TSPAN1: variants seen among roughly 807,000 people sequenced by gnomAD.
TSPAN1 encodes tetraspanin-1.
TSPAN1 carries 23 observed loss-of-function variants against 26.9 expected under a neutral mutation model. The observed-to-expected ratio is 0.85, with a 90% CI of 0.62 to 1.21. The LOEUF (loss-of-function observed/expected upper bound fraction) is 1.21, where lower values mean the gene tolerates loss of function less well. TSPAN1 is among the 50% of genes most tolerant of loss of function. TSPAN1 has a pLI of 0.00. For missense variants in TSPAN1, 283 were observed against 298.4 expected, an observed-to-expected ratio of 0.95 and a Z score of 0.38; for synonymous variants, 115 against 114.8, an observed-to-expected ratio of 1.00 and a Z score of -0.01.
downstream of TSPAN1, chr1:46,190,591 AG>A: frequency 6.5e-7 from 1 of 1,534,820 alleles, no homozygotes; most frequent in Non-Finnish European, 9.0e-7. Context: ...GAGCAGGGCA[AG>A]GGGTCACATG....
chr1:46,176,289 C>A lies in TSPAN1; in HGVS notation c.-142+880C>A, dbSNP rs1312277700. Reference sequence around the variant, plus strand: ...TGTGGGTGTTGTTGATACCCATGGCCCTGGTGGCAGGATTGATGGCTGCAC... The same window carrying A: ...TGTGGGTGTTGTTGATACCCATGGCACTGGTGGCAGGATTGATGGCTGCAC... On this transcript the variant is annotated intron_variant, in intron 1 of 8. Transcript: ENST00000372003. 2.0e-6 allele frequency: 3 copies of A among 1,535,668 alleles called. No individual in the cohort carries two copies. The East Asian group carries it at 7.3e-5, about 38-fold the overall frequency.
the TSPAN1 span, chr1:46,192,894 C>T: frequency 2.5e-6 from 4 of 1,614,140 alleles, no homozygotes; most frequent in East Asian, 2.2e-5. Context: ...TAGAGACTCC[C>T]CTCACCTGAA....
chr1:46,194,968 G>T, the TSPAN1 span: 1 of 1,613,688 alleles, frequency 6.2e-7, no homozygotes, highest in South Asian at 1.1e-5. Context: ...CATCCTGGGG[G>T]ACCAGAGAAG....
In TSPAN1 at chr1:46,185,052, C is replaced by A. The variant is rs751217619; in HGVS notation, c.531C>A (p.Asp177Glu). The A allele has an allele frequency of 1.9e-6, 3 of 1,614,056 alleles. No homozygotes were observed. In the African/African-American group the frequency reaches 4.0e-5, roughly 22 times the overall value. ...CCTTTCCCCCATTCTGTTGCAATGA[C>A]AACGTCACCAACACAGCCAATGAAA... ...NSAFPPFCCNDNVTNTANETC... is the reference protein window; with the variant it reads ...NSAFPPFCCNENVTNTANETC... Residue 177 changes from aspartate to glutamate, a missense_variant, in exon 7 of 9, where the codon GAC becomes GAA. Coordinates refer to ENST00000372003, the MANE Select transcript of TSPAN1 (RefSeq NM_005727.4).
rs1487260716 is a variant in TSPAN1, at chr1:46,185,064, C to T, written c.543C>T (p.Asn181=). 1.2e-6 allele frequency: 2 copies of T among 1,614,202 alleles called. No individual in the cohort carries two copies. Among genetic ancestry groups the T allele is most frequent in the Non-Finnish European group, 1.7e-6 (2 of 1,180,046 alleles). ...PPFCCNDNVT[N]TANETCTKQK... is the part of the protein sequence containing the mutation. The stretch of plus-strand genomic sequence containing the variant: ...TCTGTTGCAATGACAACGTCACCAA[C>T]ACAGCCAATGAAACCTGCACCAAGC... Residue 181 remains asparagine, a synonymous_variant, in exon 7 of 9, where the codon AAC becomes AAT. Coordinates refer to ENST00000372003, the MANE Select transcript of TSPAN1 (RefSeq NM_005727.4).
At chr1:46,190,457 T>A, downstream of TSPAN1, 1 of 1,576,312 alleles carries the variant, frequency 6.3e-7, no homozygotes, top group Non-Finnish European at 8.7e-7. Flanking sequence ...TACACCCCAA[T>A]TGTCCTAGGC....
At position 46,185,725 on chromosome 1, in the gene TSPAN1, A is replaced by T; in HGVS notation, c.*192A>T. 2 of 645,328 alleles carry T rather than the reference A, an allele frequency of 3.1e-6. No individual in the cohort carries two copies. The highest frequency in any genetic ancestry group is 5.4e-6 in the Non-Finnish European group (2 of 372,570). The allele number at this position is 645,328 out of a possible 1,614,324, so 40.0% of individuals were successfully genotyped here. ...TTAGGCGATGCCTGACTTTCCTTCCATTGGTGGGTGGATGGGTGGGGGGCA... is the reference window on the plus strand; with the variant it reads ...TTAGGCGATGCCTGACTTTCCTTCCTTTGGTGGGTGGATGGGTGGGGGGCA... On this transcript the variant is annotated 3_prime_UTR_variant, in exon 9 of 9. Coordinates refer to ENST00000372003, the MANE Select transcript of TSPAN1 (RefSeq NM_005727.4).
rs746587596 is a variant in TSPAN1 at position 46,185,072 on chromosome 1, A to G, written c.551A>G (p.Asn184Ser). Residue 184 changes from asparagine (N) to serine (S), a missense_variant, in exon 7 of 9, where the codon AAT (asparagine) becomes AGT (serine). Coordinates refer to ENST00000372003, the MANE Select transcript of TSPAN1 (RefSeq NM_005727.4). Reference protein sequence around the residue: ...CCNDNVTNTANETCTKQKAHD... With the variant: ...CCNDNVTNTASETCTKQKAHD... ...AATGACAACGTCACCAACACAGCCAATGAAACCTGCACCAAGCAAAAGGCT... is the reference window on the plus strand; with the variant it reads ...AATGACAACGTCACCAACACAGCCAGTGAAACCTGCACCAAGCAAAAGGCT... 6.2e-7 allele frequency: 1 copy of G among 1,614,200 alleles called. No homozygotes were observed. The highest frequency in any genetic ancestry group is 8.5e-7 in the Non-Finnish European group (1 of 1,180,032).
chr1:46,194,255 G>A, the TSPAN1 span: 11 of 1,614,148 alleles, frequency 6.8e-6, no homozygotes, highest in South Asian at 6.6e-5. Context: ...AAACCTCACT[G>A]TCTTAAGGCC....
At chr1:46,184,717 G>A in intron 5 of TSPAN1, 49 bp downstream of exon 5, 1 of 1,613,818 alleles carries the variant, frequency 6.2e-7, no homozygotes, top group Non-Finnish European at 8.5e-7. Flanking sequence ...AAAACCCTGG[G>A]AGTGGGCTGT....
At chr1:46,176,563 G>A (rs532664260) in intron 1 of TSPAN1, 855 of 1,426,406 alleles carry the variant, frequency 6.0e-4, no homozygotes, top group Non-Finnish European at 7.3e-4. Flanking sequence ...ATAAGGGCAG[G>A]GCCCTTTATT....
chr1:46,193,709 TG>T, the TSPAN1 span: 1 of 1,609,166 alleles, frequency 6.2e-7, no homozygotes, highest in Non-Finnish European at 8.5e-7. Flanking sequence ...TGTTTACAGC[TG>T]GGCCCAGAGT....
chr1:46,185,277 G>A lies in TSPAN1; in HGVS notation c.647G>A (p.Gly216Asp). ...ATCCGAACTAATGCAGTCACCGTGG[G>A]TGGTGTGGCAGCTGGAATTGGGGGC... ...YDIRTNAVTVGGVAAGIGGLE... is the reference protein window; with the variant it reads ...YDIRTNAVTVDGVAAGIGGLE... Residue 216 changes from glycine to aspartate, a missense_variant, in exon 8 of 9, where the codon GGT becomes GAT. Transcript: ENST00000372003. The A allele has an allele frequency of 6.2e-7, 1 of 1,614,202 alleles. No individual in the cohort carries two copies. Among genetic ancestry groups the A allele is most frequent in the Non-Finnish European group, 8.5e-7 (1 of 1,180,048 alleles).
chr1:46,188,591 A>G (rs1233541376), downstream of TSPAN1: 1 of 1,441,240 alleles, frequency 6.9e-7, no homozygotes, highest in East Asian at 2.3e-5. Flanking sequence ...TGTGGAGGAC[A>G]GTAAGGAAAA....
the TSPAN1 span, chr1:46,192,194 C>T: frequency 6.2e-7 from 1 of 1,614,206 alleles, no homozygotes; most frequent in Non-Finnish European, 8.5e-7. Flanking sequence ...GTTGTTCAGG[C>T]ATCCGCATCC....
Position 46,185,235 on chromosome 1 carries a change from A to C in TSPAN1, c.605A>C (p.Asn202Thr). 1 of 1,614,176 alleles carries C rather than the reference A, an allele frequency of 6.2e-7. No homozygotes were observed. Among genetic ancestry groups the C allele is most frequent in the South Asian group, 1.1e-5 (1 of 91,082 alleles). ...AHDQKVEGCF[N>T]QLLYDIRTNA... is the part of the protein sequence containing the mutation. Reference sequence around the variant, plus strand: ...TTTCTCTTCCTGAAGGGTTGCTTCAATCAGCTTTTGTATGACATCCGAACT... The same window carrying C: ...TTTCTCTTCCTGAAGGGTTGCTTCACTCAGCTTTTGTATGACATCCGAACT... Residue 202 changes from asparagine (N) to threonine (T), a missense_variant, in exon 8 of 9, where the codon AAT becomes ACT. Physicochemically the swap from Asn to Thr is moderately conservative, Grantham distance 65. Coordinates refer to ENST00000372003, the MANE Select transcript of TSPAN1 (RefSeq NM_005727.4).
At chr1:46,189,245 G>C (rs748808819), downstream of TSPAN1, 1 of 1,608,150 alleles carries the variant, frequency 6.2e-7, no homozygotes, top group South Asian at 1.1e-5. Context: ...ACAGTACCCA[G>C]CCCCGCAGGG....
the TSPAN1 span, chr1:46,192,624 G>A: frequency 1.2e-6 from 2 of 1,611,924 alleles, no homozygotes; most frequent in Non-Finnish European, 1.7e-6. Context: ...TTCAGGGAGG[G>A]ACAAGGATAA....
At chr1:46,184,109 C>A in intron 3 of TSPAN1, 82 bp from the exon 4 acceptor site, 1 of 1,463,252 alleles carries the variant, frequency 6.8e-7, no homozygotes. Context: ...AGTTTCTCGG[C>A]TCCCATCCTT....
Sources: allele counts gnomAD v4.1 joint callset, GRCh38; gene constraint gnomAD v4.1.1; transcripts MANE v1.5; gene names NCBI Gene and HGNC (gene_info 2026-07-23, HGNC 2026-07-21).